Variants in UBE3D observed in about 807,000 individuals in gnomAD.
UBE3D encodes ubiquitin protein ligase E3D.
UBE3D carries 48 observed loss-of-function variants against 49.6 expected under a neutral mutation model. The ratio of observed to expected loss-of-function variants is 0.97; its 90% CI spans 0.77 to 1.23. The LOEUF is 1.23. Among genes scored for constraint, UBE3D ranks in the 50% most tolerant of loss-of-function variants. The pLI, the probability that UBE3D is intolerant of heterozygous loss-of-function variation, is 0.00. For synonymous variants in UBE3D, 189 were observed against 174.2 expected (o/e 1.08, Z -0.67); for missense variants, 452 against 468.4 (o/e 0.96, Z 0.32).
intron 5 of UBE3D, among the ~76,000 whole-genome samples, chr6:83,034,738 T>A (rs1353719433): frequency 6.6e-6 from 1 of 152,190 alleles, no homozygotes; most frequent in Non-Finnish European, 1.5e-5. Context: ...TCCTGAGGCC[T>A]TCCCAGCCAT....
chr6:83,012,913 C>T (rs1582636346), intron 8 of UBE3D, among the ~76,000 whole-genome samples: 1 of 152,240 alleles, frequency 6.6e-6, no homozygotes, highest in East Asian at 1.9e-4. Context: ...CAGGTGGTAC[C>T]CGCATATCGT....
intron 9 of UBE3D, among the ~76,000 whole-genome samples, chr6:82,943,251 A>G (rs1265125800): frequency 6.6e-6 from 1 of 152,148 alleles, no homozygotes; most frequent in Non-Finnish European, 1.5e-5. Context: ...GAAGTAACTG[A>G]CTTGCTTTTT....
At chr6:82,885,070 G>A in the UBE3D span, among the ~76,000 whole-genome samples, 5 of 151,802 alleles carry the variant, frequency 3.3e-5, no homozygotes, top group African/African-American at 4.8e-5. Context: ...GGGTTGTCAC[G>A]TCCCTTGTTA....
chr6:83,054,915 C>CG (rs1420589768), intron 2 of UBE3D, among the ~76,000 whole-genome samples: 2 of 152,192 alleles, frequency 1.3e-5, no homozygotes, highest in Non-Finnish European at 2.9e-5. Flanking sequence ...TCCCAAAGTG[C>CG]TGGGATTACA....
At chr6:83,034,708 T>C (rs895484376) in intron 5 of UBE3D, among the ~76,000 whole-genome samples, 3 of 152,180 alleles carry the variant, frequency 2.0e-5, no homozygotes, top group African/African-American at 7.2e-5. Flanking sequence ...CTTCTTTGCC[T>C]TCTGCCATGA....
intron 8 of UBE3D, among the ~76,000 whole-genome samples, chr6:82,982,430 C>A (rs1381317601): frequency 1.3e-5 from 2 of 152,082 alleles, no homozygotes; most frequent in Non-Finnish European, 2.9e-5. Flanking sequence ...GTTGGTAAAG[C>A]CTATGTTTCT....
chr6:83,043,383 A>G lies in UBE3D; in HGVS notation c.597+1045T>C, dbSNP rs73481056. 8.3e-3 allele frequency among the ~76,000 whole-genome samples: 1,268 copies of G among 152,116 alleles called. 23 individuals are homozygous for G. Among genetic ancestry groups the G allele is most frequent in the African/African-American group, 0.029 (1,204 of 41,552 alleles). ...ATCATATTAAATATAACAAATATAT[A>G]TTAACTTACTATTTACCTTTTAAAA... On this transcript the variant is annotated intron_variant, in intron 4 of 9. Transcript: ENST00000369747.
At chr6:82,912,549 T>C (rs1772606801) in intron 9 of UBE3D, among the ~76,000 whole-genome samples, 1 of 152,160 alleles carries the variant, frequency 6.6e-6, no homozygotes, top group South Asian at 2.1e-4. Flanking sequence ...ACTTTCGACT[T>C]ATAACTACAC....
chr6:82,903,153 C>T (rs1771858455), intron 9 of UBE3D, among the ~76,000 whole-genome samples: 1 of 152,028 alleles, frequency 6.6e-6, no homozygotes, highest in African/African-American at 2.4e-5. Context: ...ATGATGCACG[C>T]ATTCTTTTTT....
chr6:82,920,478 T>C (rs773078991), intron 9 of UBE3D, among the ~76,000 whole-genome samples: 1 of 152,222 alleles, frequency 6.6e-6, no homozygotes, highest in Admixed American at 6.5e-5. Flanking sequence ...AAAATAACAA[T>C]GCACCAAATA....
intron 3 of UBE3D, among the ~76,000 whole-genome samples, chr6:83,048,953 C>T (rs1453971140): frequency 1.3e-5 from 2 of 152,038 alleles, no homozygotes; most frequent in East Asian, 1.9e-4. Context: ...GAAACGATTT[C>T]CTGAATTTTC....
chr6:82,919,001 G>C (rs1773123479), intron 9 of UBE3D, among the ~76,000 whole-genome samples: 2 of 152,112 alleles, frequency 1.3e-5, no homozygotes, highest in South Asian at 4.1e-4. Context: ...TTGGCCTCCT[G>C]TGCAGAGAGT....
At chr6:82,887,410 T>C (rs1309031291), downstream of UBE3D, among the ~76,000 whole-genome samples, 1 of 113,998 alleles carries the variant, frequency 8.8e-6, no homozygotes, top group Non-Finnish European at 1.9e-5. Flanking sequence ...TTTTTTTTTT[T>C]TTCAGAAAGA....
At chr6:83,034,172 G>A (rs555968985) in intron 5 of UBE3D, among the ~76,000 whole-genome samples, 1 of 152,284 alleles carries the variant, frequency 6.6e-6, no homozygotes, top group Admixed American at 6.5e-5. Flanking sequence ...ATTTTGGGAA[G>A]TGGAATCCTA....
intron 9 of UBE3D, among the ~76,000 whole-genome samples, chr6:82,933,373 T>A (rs1774314871): frequency 6.6e-6 from 1 of 152,178 alleles, no homozygotes; most frequent in South Asian, 2.1e-4. Context: ...TGAAAAACAA[T>A]TTCATTTTCA....
chr6:83,022,147 T>A lies in UBE3D; in HGVS notation c.846+306A>T, dbSNP rs997902973. Among the ~76,000 whole-genome samples, 4 of 152,214 alleles carry A rather than the reference T, an allele frequency of 2.6e-5. No individual in the cohort carries two copies. In the South Asian group the frequency reaches 8.3e-4, roughly 32 times the overall value. On this transcript the variant is annotated intron_variant, in intron 7 of 9. Coordinates refer to ENST00000369747, the MANE Select transcript of UBE3D (RefSeq NM_198920.3). The stretch of plus-strand genomic sequence containing the variant: ...GTTCAAGCGATTCTCCTGCCACAGC[T>A]TCCTGAGTAGCTGAGACTACAGGCA...
chr6:82,996,713 C>T (rs1779264897), intron 8 of UBE3D, among the ~76,000 whole-genome samples: 1 of 152,140 alleles, frequency 6.6e-6, no homozygotes, highest in Non-Finnish European at 1.5e-5. Flanking sequence ...ACCCACAACC[C>T]AGTCTAATCA....
At chr6:82,921,448 C>T (rs1773331075) in intron 9 of UBE3D, among the ~76,000 whole-genome samples, 1 of 152,098 alleles carries the variant, frequency 6.6e-6, no homozygotes, top group South Asian at 2.1e-4. Context: ...GGTCAGCAGA[C>T]AAGCCTGGAG....
chr6:82,965,601 A>AAG (rs1562130047), intron 8 of UBE3D, among the ~76,000 whole-genome samples: 3 of 150,702 alleles, frequency 2.0e-5, no homozygotes, highest in South Asian at 2.1e-4. Context: ...AAAAAAAAAA[A>AAG]AAGAAGAAGA....
Sources: allele counts gnomAD v4.1 joint callset (sites outside exome capture counted in the v4.1 genomes callset), GRCh38; gene constraint gnomAD v4.1.1; transcripts MANE v1.5; gene names NCBI Gene and HGNC (gene_info 2026-07-23, HGNC 2026-07-21).